COL25A1: variants seen among roughly 807,000 people sequenced by gnomAD.
COL25A1 encodes collagen type XXV alpha 1 chain.
A neutral mutation model predicts 128.4 loss-of-function variants in COL25A1; 103 were observed. That is an observed-to-expected ratio of 0.80 (90% CI 0.68 to 0.94). The LOEUF (loss-of-function observed/expected upper bound fraction) is 0.94. Ranked by LOEUF, COL25A1 falls within the 40% of genes least tolerant of loss-of-function variation. COL25A1 has a pLI of 0.00. For synonymous variants in COL25A1, 279 were observed against 277.2 expected, an observed-to-expected ratio of 1.01 and a Z score of -0.06; for missense variants, 745 against 840.0, an observed-to-expected ratio of 0.89 and a Z score of 1.40.
chr4:109,260,810 G>A lies in COL25A1; in HGVS notation c.367+39773C>T, dbSNP rs529795048. Among the ~76,000 whole-genome samples, 12 of 151,616 alleles carry A rather than the reference G, an allele frequency of 7.9e-5. No individual in the cohort carries two copies. In the South Asian group the frequency reaches 2.5e-3, roughly 32 times the overall value. The stretch of plus-strand genomic sequence containing the variant: ...CACACCTGGCCATATACTGGTTTTT[G>A]TATATAATAAAAGTTTTATATTAAT... On this transcript the variant is annotated intron_variant, in intron 3 of 37. Coordinates refer to ENST00000399132, the MANE Select transcript of COL25A1 (RefSeq NM_198721.4).
chr4:108,876,172 G>T lies in COL25A1; in HGVS notation c.1021-7022C>A, dbSNP rs527437609. ...ACATGTATACCTATGTATCAAACCT[G>T]CAGGGTATGCACATGTACCCTAGAA... is the stretch of plus-strand genomic sequence containing the variant. On this transcript the variant is annotated intron_variant, in intron 19 of 37. Coordinates refer to ENST00000399132, the MANE Select transcript of COL25A1 (RefSeq NM_198721.4). 2.8e-4 allele frequency among the ~76,000 whole-genome samples: 43 copies of T among 151,616 alleles called. No individual in the cohort carries two copies. The South Asian group carries it at 3.3e-3, about 12-fold the overall frequency.
chr4:109,283,909 A>G (rs115016154), intron 3 of COL25A1, among the ~76,000 whole-genome samples: 1 of 152,224 alleles, frequency 6.6e-6, no homozygotes, highest in African/African-American at 2.4e-5. Flanking sequence ...ATCAACCCAC[A>G]GAACAGTTTA....
At chr4:108,852,609 C>T (rs1461374780) in intron 25 of COL25A1, among the ~76,000 whole-genome samples, 2 of 152,136 alleles carry the variant, frequency 1.3e-5, no homozygotes, top group African/African-American at 4.8e-5. Context: ...TCTACATACA[C>T]TCCTTACCCC....
At chr4:108,960,764 C>A (rs1209329650) in intron 8 of COL25A1, among the ~76,000 whole-genome samples, 1 of 151,900 alleles carries the variant, frequency 6.6e-6, no homozygotes, top group African/African-American at 2.4e-5. Context: ...TCTCTAAGAT[C>A]GAAGTCAAGG....
intron 19 of COL25A1, among the ~76,000 whole-genome samples, chr4:108,881,059 T>A (rs916882070): frequency 2.0e-5 from 3 of 152,320 alleles, no homozygotes; most frequent in Middle Eastern, 3.4e-3. Context: ...TGACACTATA[T>A]GAACCATGAA....
At chr4:109,159,015 T>C (rs1217735523) in intron 3 of COL25A1, among the ~76,000 whole-genome samples, 1 of 152,156 alleles carries the variant, frequency 6.6e-6, no homozygotes, top group Non-Finnish European at 1.5e-5. Context: ...TATTTTATTA[T>C]GACTAAAAGC....
chr4:109,171,035 G>A (rs924446924), intron 3 of COL25A1, among the ~76,000 whole-genome samples: 4 of 151,994 alleles, frequency 2.6e-5, no homozygotes, highest in Non-Finnish European at 2.9e-5. Flanking sequence ...TCCCCTGCTC[G>A]GTACATTATT....
chr4:109,122,269 T>TCACCC (rs1489151984), intron 3 of COL25A1, among the ~76,000 whole-genome samples: 1 of 152,026 alleles, frequency 6.6e-6, no homozygotes. Context: ...ATGTAAACTA[T>TCACCC]GGACTCCGGG....
At position 108,939,180 on chromosome 4, in the gene COL25A1, A is replaced by G. The variant is rs1465003025; in HGVS notation, c.673-1337T>C. ...ATGGTTTTAACTACTTTTTGAAGAG[A>G]CACTCACTGTATTTCTGTTGGCAAC... On this transcript the variant is annotated intron_variant, in intron 10 of 37. Transcript: ENST00000399132. Among the ~76,000 whole-genome samples the G allele has an allele frequency of 3.3e-5, 5 of 152,340 alleles. No individual in the cohort carries two copies. In the East Asian group the frequency reaches 9.6e-4, roughly 29 times the overall value.
At position 108,862,492 on chromosome 4, in the gene COL25A1, G is replaced by A. The variant is rs1290691660; in HGVS notation, c.1197+9C>T. 1 of 1,605,644 alleles carries A rather than the reference G, an allele frequency of 6.2e-7. No individual in the cohort carries two copies. Among genetic ancestry groups the A allele is most frequent in the Non-Finnish European group, 8.5e-7 (1 of 1,172,556 alleles). ...CATGTTATATTTAAATGGTTATCTG[G>A]TTACTGACCTTTGACCCCTTTGGGC... is the stretch of plus-strand genomic sequence containing the variant. On this transcript the variant is annotated intron_variant, in intron 22 of 37. Coordinates refer to ENST00000399132, the MANE Select transcript of COL25A1 (RefSeq NM_198721.4).
At chr4:109,051,107 G>T (rs1399004414) in intron 3 of COL25A1, among the ~76,000 whole-genome samples, 1 of 152,084 alleles carries the variant, frequency 6.6e-6, no homozygotes, top group Non-Finnish European at 1.5e-5. Flanking sequence ...ATATTTGCCA[G>T]GAGAAGAAGG....
intron 11 of COL25A1, among the ~76,000 whole-genome samples, chr4:108,926,207 C>CA (rs904441955): frequency 6.6e-6 from 1 of 152,130 alleles, no homozygotes; most frequent in Non-Finnish European, 1.5e-5. Context: ...CCTCTTGGGA[C>CA]ATGTTTTAAG....
intron 6 of COL25A1, among the ~76,000 whole-genome samples, chr4:108,987,156 G>C (rs1406687039): frequency 6.6e-6 from 1 of 152,036 alleles, no homozygotes; most frequent in Non-Finnish European, 1.5e-5. Context: ...TGTGTCCAAA[G>C]CCTTCTATAA....
chr4:109,216,310 GA>G (rs985125283), intron 3 of COL25A1, among the ~76,000 whole-genome samples: 50 of 150,588 alleles, frequency 3.3e-4, no homozygotes, highest in Non-Finnish European at 6.8e-4. Flanking sequence ...CGGAAGGAAG[GA>G]AAGACGGAAG....
intron 3 of COL25A1, among the ~76,000 whole-genome samples, chr4:109,255,472 T>A (rs1781010551): frequency 6.6e-6 from 1 of 152,210 alleles, no homozygotes; most frequent in South Asian, 2.1e-4. Context: ...CTCCCCTATG[T>A]GGAGTGTCTC....
At chr4:109,004,094 TCATTTCCCTTGTCAAGAAC>T (rs1755734284) in intron 6 of COL25A1, among the ~76,000 whole-genome samples, 1 of 152,162 alleles carries the variant, frequency 6.6e-6, no homozygotes, top group African/African-American at 2.4e-5. Context: ...TTTCACCATC[TCATTTCCCTTGTCAAGAAC>T]CATTTTCTCA....
At chr4:109,165,955 A>G (rs1220877516) in intron 3 of COL25A1, among the ~76,000 whole-genome samples, 2 of 152,230 alleles carry the variant, frequency 1.3e-5, no homozygotes, top group South Asian at 4.1e-4. Flanking sequence ...GAATTACAAC[A>G]TTTAAAAATT....
chr4:109,157,458 T>C (rs1374420070), intron 3 of COL25A1, among the ~76,000 whole-genome samples: 1 of 152,148 alleles, frequency 6.6e-6, no homozygotes, highest in Non-Finnish European at 1.5e-5. Context: ...TTTAGGTACT[T>C]CCTGTGGGGT....
chr4:108,827,400 G>A (rs1422945675), intron 32 of COL25A1, among the ~76,000 whole-genome samples: 1 of 152,232 alleles, frequency 6.6e-6, no homozygotes, highest in Non-Finnish European at 1.5e-5. Flanking sequence ...GGCAGCACAA[G>A]ATTGCTGCTG....
Sources: gnomAD v4.1 joint callset for allele counts (sites outside exome capture counted in the v4.1 genomes callset) on GRCh38, gnomAD v4.1.1 for gene constraint, MANE v1.5 for transcripts, NCBI Gene and HGNC (gene_info 2026-07-23, HGNC 2026-07-21) for gene names.